The following BCCIP variants were observed in gnomAD, a reference collection of about 807,000 sequenced individuals.
The protein encoded by BCCIP is BRCA2 and CDKN1A-interacting protein.
In BCCIP, 23 loss-of-function variants were observed where a neutral mutation model predicts 32.8. The observed-to-expected ratio is 0.70, with a 90% CI of 0.51 to 0.99. BCCIP has a LOEUF of 0.99. BCCIP is among the 50% of genes least tolerant of loss of function. The pLI, the probability that BCCIP is intolerant of heterozygous loss-of-function variation, is 0.00. For synonymous variants in BCCIP, 144 were observed against 137.6 expected (o/e 1.05, Z -0.33); for missense variants, 378 against 379.8 (o/e 1.00, Z 0.04).
intron 1 of BCCIP, 59 bp from the exon 2 acceptor site, chr10:125,826,532 T>A (rs1315754793): frequency 1.2e-6 from 2 of 1,603,230 alleles, no homozygotes; most frequent in Admixed American, 3.4e-5. Context: ...GTTTGCCTGT[T>A]TTAAAGTCTA....
rs377645100 is a variant in BCCIP at position 125,833,752 on chromosome 10, G to A, written c.600-20G>A. On this transcript the variant is annotated intron_variant, in intron 5 of 6. Coordinates refer to ENST00000278100, the MANE Select transcript of BCCIP (RefSeq NM_078468.3). ...CACTTGACCCAGCAGGTAAACAAAT[G>A]TTGTGTGTGTGCCTTGCAGGAAAGA... 136 of 1,612,094 alleles carry A rather than the reference G, an allele frequency of 8.4e-5. 1 individual carries two copies. The highest frequency in any genetic ancestry group is 8.3e-4 in the Middle Eastern group (5 of 6,032).
chr10:125,834,255 A>G (rs1854594865), intron 6 of BCCIP, among the ~76,000 whole-genome samples: 1 of 152,168 alleles, frequency 6.6e-6, no homozygotes, highest in African/African-American at 2.4e-5. Context: ...TCATTCTAAA[A>G]CCATGCGGAG....
At chr10:125,839,616 C>T (rs1242559680), downstream of BCCIP, among the ~76,000 whole-genome samples, 1 of 152,240 alleles carries the variant, frequency 6.6e-6, no homozygotes, top group African/African-American at 2.4e-5. Context: ...ATAAATTCCT[C>T]TGATCTATGA....
downstream of BCCIP, among the ~76,000 whole-genome samples, chr10:125,837,637 C>T (rs1413708104): frequency 1.3e-5 from 2 of 152,172 alleles, no homozygotes; most frequent in Non-Finnish European, 2.9e-5. Flanking sequence ...GTTGCCAGGG[C>T]TGGTCTTGAA....
intron 1 of BCCIP, among the ~76,000 whole-genome samples, chr10:125,824,871 A>C (rs150532542): frequency 6.8e-3 from 1,031 of 152,192 alleles, no homozygotes; most frequent in Non-Finnish European, 0.012. Flanking sequence ...GGATCAGAAT[A>C]AGGAAGAGAG....
chr10:125,831,440 A>C lies in BCCIP; in HGVS notation c.432A>C (p.Gln144His). Residue 144 changes from glutamine to histidine, a missense_variant, in exon 5 of 7, where the codon CAA (glutamine) becomes CAC (histidine). Physicochemically the swap from Gln to His is conservative, Grantham distance 24. Transcript: ENST00000278100. ...TERKGTQCVE[Q>H]IQELVLRFCE... ...TCTAGGGTACCCAGTGTGTTGAACA[A>C]ATTCAAGAGTTGGTTCTACGCTTCT... The C allele has an allele frequency of 1.2e-6, 2 of 1,614,086 alleles. No individual in the cohort carries two copies. Among genetic ancestry groups the C allele is most frequent in the Non-Finnish European group, 1.7e-6 (2 of 1,179,968 alleles).
downstream of BCCIP, chr10:125,836,973 T>C: frequency 1.2e-6 from 1 of 833,452 alleles, no homozygotes; most frequent in Non-Finnish European, 1.9e-6. Context: ...CGGTATTTAA[T>C]TTGAACTCAG....
Position 125,824,220 on chromosome 10 carries a change from G to T in BCCIP, c.165+498G>T, listed in dbSNP as rs544381353. Among the ~76,000 whole-genome samples the T allele has an allele frequency of 2.0e-5, 3 of 152,318 alleles. No individual in the cohort carries two copies. The South Asian group carries it at 6.2e-4, about 32-fold the overall frequency. ...TCCTTCTTCAGATCTCAGCTAGGCT[G>T]TATTTTCTGGCTCCTGGGGCAGCTG... On this transcript the variant is annotated intron_variant, in intron 1 of 6. Transcript: ENST00000278100.
At chr10:125,831,764 C>T (rs767693579) in intron 5 of BCCIP, 157 bp downstream of exon 5, 28 of 563,878 alleles carry the variant, frequency 5.0e-5, no homozygotes, top group Non-Finnish European at 7.4e-5. Context: ...CTGTGAAGTA[C>T]ATACATTATT....
rs190581672 is a variant in BCCIP, at chr10:125,853,588, A to C, written c.*345A>C. On this transcript the variant is annotated 3_prime_UTR_variant, in exon 8 of 8. Coordinates refer to the BCCIP transcript ENST00000368759. ...ACTCTGATAAAGGGGCTATCAAAAA[A>C]ATCCAGTAAATTGTTCATAAGAAGA... The C allele has an allele frequency of 4.9e-4, 104 of 213,918 alleles. No individual in the cohort carries two copies. The Middle Eastern group carries it at 0.018, about 37-fold the overall frequency. 13.3% of individuals were successfully genotyped at this position (213,918 alleles called of 1,614,324 possible).
At chr10:125,832,980 G>A (rs934600294) in intron 5 of BCCIP, among the ~76,000 whole-genome samples, 2 of 150,858 alleles carry the variant, frequency 1.3e-5, no homozygotes, top group African/African-American at 4.9e-5. Flanking sequence ...AAATTAGCCG[G>A]GTATGGTGGT....
At chr10:125,842,820 C>G, downstream of BCCIP, 1 of 940,346 alleles carries the variant, frequency 1.1e-6, no homozygotes, top group Non-Finnish European at 1.3e-6. Context: ...CTCTCCATCT[C>G]TTTATTTCTT....
chr10:125,852,302 T>C, intron 7 of BCCIP: 2 of 1,614,086 alleles, frequency 1.2e-6, no homozygotes, highest in Non-Finnish European at 1.7e-6. Context: ...CCTGGTCTGT[T>C]CATGAAGTCA....
At chr10:125,838,282 C>G (rs377344904), downstream of BCCIP, 35 of 1,613,974 alleles carry the variant, frequency 2.2e-5, no homozygotes, top group African/African-American at 4.0e-4. Flanking sequence ...AGGACCCACT[C>G]TGGCATCTTC....
intron 2 of BCCIP, among the ~76,000 whole-genome samples, chr10:125,826,996 T>TAAAAAAAAAAAAAAAA (rs374807277): frequency 2.3e-5 from 3 of 129,286 alleles, no homozygotes; most frequent in African/African-American, 3.0e-5. Flanking sequence ...CCTCTGTCTC[T>TAAAAAAAAAAAAAAAA]AAAAAAAAAG....
rs1854690890 is a variant in BCCIP, at chr10:125,836,534, T to A, written c.*260T>A. 2 of 1,331,988 alleles carry A rather than the reference T, an allele frequency of 1.5e-6. No individual in the cohort carries two copies. The highest frequency in any genetic ancestry group is 5.2e-5 in the East Asian group (2 of 38,424). The allele number at this position is 1,331,988 out of a possible 1,614,324, so 82.5% of individuals were successfully genotyped here. On this transcript the variant is annotated 3_prime_UTR_variant, in exon 7 of 7. Coordinates refer to ENST00000278100, the MANE Select transcript of BCCIP (RefSeq NM_078468.3). ...TTAAAGAACTCAATAAAAACTTCTA[T>A]TTTTTATTTTAAAATAATATACACA...
rs139641572 is a variant in BCCIP at position 125,829,349 on chromosome 10, C to T, written c.322-1213C>T. Among the ~76,000 whole-genome samples the T allele has an allele frequency of 4.6e-5, 7 of 152,302 alleles. No homozygotes were observed. In the East Asian group the frequency reaches 1.2e-3, roughly 25 times the overall value. On this transcript the variant is annotated intron_variant, in intron 3 of 6. Transcript: ENST00000278100. ...TAGCTGTCACTGTTGATGTCTTTTT[C>T]CTGTTCCTAGCACCTGTTCCCTAGC...
At chr10:125,830,802 T>C (rs1304988365) in intron 4 of BCCIP, 151 bp downstream of exon 4, 5 of 598,576 alleles carry the variant, frequency 8.4e-6, no homozygotes, top group Admixed American at 3.1e-5. Context: ...CCTTTTTCAA[T>C]ATGAAGGTGG....
At chr10:125,853,267 T>G (rs1246558579) in exon 8 of BCCIP, 4 of 1,504,848 alleles carry the variant, frequency 2.7e-6, no homozygotes, top group Non-Finnish European at 3.7e-6. Context: ...TTTAGGAGGC[T>G]CATAGTCTCC....
Sources: gnomAD v4.1 joint callset for allele counts (sites outside exome capture counted in the v4.1 genomes callset) on GRCh38, gnomAD v4.1.1 for gene constraint, MANE v1.5 for transcripts, NCBI Gene and HGNC (gene_info 2026-07-23, HGNC 2026-07-21) for gene names.